The following ZP3 variants were observed in gnomAD, a reference collection of about 807,000 sequenced individuals.
The protein encoded by ZP3 is zona pellucida sperm-binding protein 3.
Under a neutral mutation model 35.6 loss-of-function variants are expected in ZP3, and 21 were observed. The ratio of observed to expected loss-of-function variants is 0.59; its 90% CI spans 0.42 to 0.85. The LOEUF is 0.85. Ranked by LOEUF, ZP3 falls within the 40% of genes least tolerant of loss-of-function variation. The pLI is 0.00. For missense variants in ZP3, 437 were observed against 536.5 expected (o/e 0.81, Z 1.83); for synonymous variants, 207 against 214.5 (o/e 0.96, Z 0.31).
intron 1 of ZP3, among the ~76,000 whole-genome samples, chr7:76,417,292 C>T (rs1343059031): frequency 1.3e-5 from 2 of 152,130 alleles, no homozygotes; most frequent in Non-Finnish European, 2.9e-5. Context: ...CTCCCAACCT[C>T]AGGCTATCGG....
chr7:76,408,459 C>T (rs904023066), intron 1 of ZP3, among the ~76,000 whole-genome samples: 1 of 152,116 alleles, frequency 6.6e-6, no homozygotes, highest in African/African-American at 2.4e-5. Flanking sequence ...CTCCTTTTGC[C>T]TCCTGGCCTC....
intron 1 of ZP3, among the ~76,000 whole-genome samples, chr7:76,417,358 C>T (rs1172820104): frequency 1.3e-5 from 2 of 151,898 alleles, no homozygotes; most frequent in South Asian, 4.2e-4. Flanking sequence ...CGTGCCCGGC[C>T]TCATATCCCT....
chr7:76,426,669 G>A (rs1045428749), intron 1 of ZP3, among the ~76,000 whole-genome samples: 2 of 151,998 alleles, frequency 1.3e-5, no homozygotes, highest in Non-Finnish European at 2.9e-5. Flanking sequence ...TGTGAAATGG[G>A]CTTTAATAGG....
At chr7:76,440,974 C>A (rs1257651056) in intron 7 of ZP3, among the ~76,000 whole-genome samples, 1 of 152,034 alleles carries the variant, frequency 6.6e-6, no homozygotes, top group Non-Finnish European at 1.5e-5. Flanking sequence ...GAGTTCGAGA[C>A]CAGCCTGACC....
At chr7:76,402,168 C>T (rs1484317039) in intron 1 of ZP3, among the ~76,000 whole-genome samples, 1 of 150,240 alleles carries the variant, frequency 6.7e-6, no homozygotes, top group Non-Finnish European at 1.5e-5. Flanking sequence ...AAGCTCCTGC[C>T]ACCCTGCCCA....
At chr7:76,426,874 C>CCACACACACACACACACACA (rs369991319) in intron 1 of ZP3, among the ~76,000 whole-genome samples, 7 of 126,688 alleles carry the variant, frequency 5.5e-5, no homozygotes, top group Admixed American at 2.5e-4. Flanking sequence ...CTACCAAACA[C>CCACACACACACACACACACA]CACACACACA....
intron 1 of ZP3, among the ~76,000 whole-genome samples, chr7:76,417,381 A>G (rs1188410741): frequency 6.6e-6 from 1 of 151,648 alleles, no homozygotes; most frequent in Non-Finnish European, 1.5e-5. Context: ...CTTTCATTGC[A>G]TCCCTTACTG....
At position 76,433,861 on chromosome 7, in the gene ZP3, G is replaced by T. The variant is rs564988664; in HGVS notation, c.714-177G>T. 505 of 1,133,868 alleles carry T rather than the reference G, an allele frequency of 4.5e-4. 3 individuals are homozygous for T. The highest frequency in any genetic ancestry group is 3.5e-5 in the Non-Finnish European group (28 of 792,472). The allele number at this position is 1,133,868 out of a possible 1,614,324, so 70.2% of individuals were successfully genotyped here. Reference sequence around the variant, plus strand: ...TTACAGGTGCCCATCACCATGCCTGGCTAATTTTTGTATTTTTAGTAGAGA... The same window carrying T: ...TTACAGGTGCCCATCACCATGCCTGTCTAATTTTTGTATTTTTAGTAGAGA... On this transcript the variant is annotated intron_variant, in intron 4 of 7. Transcript: ENST00000394857.
rs1391879440 is a variant in ZP3 at position 76,429,526 on chromosome 7, T to C, written c.324T>C (p.Asp108=). The change falls in exon 2 of 8, where the codon GAT becomes GAC. Residue 108 remains aspartate (D), a synonymous_variant. Coordinates refer to ENST00000394857, the MANE Select transcript of ZP3 (RefSeq NM_001110354.2). ...ECGNSMQVTD[D]ALVYSTFLLH... The stretch of plus-strand genomic sequence containing the variant: ...CACCTTTCCTCCAGGTAACTGACGA[T>C]GCCCTGGTGTACAGCACCTTCCTGC... 1.9e-6 allele frequency: 3 copies of C among 1,613,952 alleles called. No individual in the cohort carries two copies. The highest frequency in any genetic ancestry group is 2.5e-6 in the Non-Finnish European group (3 of 1,179,962).
chr7:76,413,119 C>T (rs1231572405), intron 1 of ZP3, among the ~76,000 whole-genome samples: 3 of 151,436 alleles, frequency 2.0e-5, no homozygotes, highest in South Asian at 2.1e-4. Context: ...CGTGCCACTG[C>T]GCCCAGCTAA....
At chr7:76,427,669 C>T (rs1451572280) in intron 1 of ZP3, among the ~76,000 whole-genome samples, 2 of 152,178 alleles carry the variant, frequency 1.3e-5, no homozygotes, top group Non-Finnish European at 2.9e-5. Context: ...CTGGTTCTGT[C>T]TGTGCTGGGG....
intron 1 of ZP3, among the ~76,000 whole-genome samples, chr7:76,418,421 C>T (rs771801990): frequency 2.0e-5 from 3 of 151,434 alleles, no homozygotes; most frequent in South Asian, 4.2e-4. Context: ...CATGGTGGCA[C>T]GCACCTGTAA....
At chr7:76,428,152 CCT>C (rs934201697) in intron 1 of ZP3, among the ~76,000 whole-genome samples, 6 of 141,162 alleles carry the variant, frequency 4.3e-5, no homozygotes, top group African/African-American at 1.1e-4. Context: ...ATGGCGAAAC[CCT>C]GTCTCTATTT....
At chr7:76,430,513 C>T (rs917228156) in intron 2 of ZP3, among the ~76,000 whole-genome samples, 2 of 152,074 alleles carry the variant, frequency 1.3e-5, no homozygotes, top group African/African-American at 4.8e-5. Context: ...AGGTGGGCAG[C>T]TCACGAGGTA....
At chr7:76,422,854 C>G (rs527920253), upstream of ZP3, among the ~76,000 whole-genome samples, 2 of 148,958 alleles carry the variant, frequency 1.3e-5, no homozygotes, top group African/African-American at 2.5e-5. Flanking sequence ...AAAAGTTAGC[C>G]GGGCATGGTG....
Position 76,429,524 on chromosome 7 carries a change from G to C in ZP3, c.322G>C (p.Asp108His), listed in dbSNP as rs144871193. The change falls in exon 2 of 8, where the codon GAT becomes CAT. Residue 108 changes from aspartate (D) to histidine (H), a missense_variant. Coordinates refer to ENST00000394857, the MANE Select transcript of ZP3 (RefSeq NM_001110354.2). ...ECGNSMQVTD[D>H]ALVYSTFLLH... ...CTCACCTTTCCTCCAGGTAACTGAC[G>C]ATGCCCTGGTGTACAGCACCTTCCT... 4.1e-5 allele frequency: 66 copies of C among 1,613,846 alleles called. 1 individual carries two copies. The Admixed American group carries it at 1.1e-3, about 27-fold the overall frequency.
At chr7:76,424,407 T>A (rs1043183998), upstream of ZP3, among the ~76,000 whole-genome samples, 4 of 152,056 alleles carry the variant, frequency 2.6e-5, no homozygotes, top group East Asian at 7.7e-4. Context: ...GGCAGGAGGA[T>A]CACTGGAGGT....
At chr7:76,424,794 A>C (rs1805598608), upstream of ZP3, 2 of 607,704 alleles carry the variant, frequency 3.3e-6, no homozygotes, top group East Asian at 5.6e-5. Context: ...TGCAGTTCTA[A>C]CAAGCTCCCA....
At chr7:76,410,516 C>CA (rs111982264) in intron 1 of ZP3, among the ~76,000 whole-genome samples, 134 of 138,034 alleles carry the variant, frequency 9.7e-4, no homozygotes, top group African/African-American at 1.6e-3. Flanking sequence ...CTGCACTGGC[C>CA]AAAAAAAAAA....
Sources: allele counts gnomAD v4.1 joint callset (sites outside exome capture counted in the v4.1 genomes callset), GRCh38; gene constraint gnomAD v4.1.1; transcripts MANE v1.5; gene names NCBI Gene and HGNC (gene_info 2026-07-23, HGNC 2026-07-21).